The following PXDN variants were observed in gnomAD, a reference collection of about 807,000 sequenced individuals.
The protein encoded by PXDN is peroxidasin homolog.
PXDN carries 77 observed loss-of-function variants against 140.3 expected under a neutral mutation model. The observed-to-expected ratio is 0.55, with a 90% CI of 0.46 to 0.66. The LOEUF is 0.66. Ranked by LOEUF, PXDN falls within the 30% of genes least tolerant of loss-of-function variation. PXDN has a pLI of 0.00. For missense variants in PXDN, 1,838 were observed against 2,039.5 expected (o/e 0.90, Z 1.90); for synonymous variants, 911 against 857.4 (o/e 1.06, Z -1.09).
intron 4 of PXDN, among the ~76,000 whole-genome samples, chr2:1,686,422 TCC>T (rs1478248707): frequency 7.4e-6 from 1 of 134,960 alleles, no homozygotes; most frequent in African/African-American, 2.7e-5. Context: ...GCCTCGTTTC[TCC>T]CCTGACTTGC....
Position 1,687,813 on chromosome 2 carries a change from T to TA in PXDN, c.345-111dup. 1.3e-6 allele frequency: 1 copy of TA among 786,960 alleles called. No individual in the cohort carries two copies. The highest frequency in any genetic ancestry group is 2.0e-6 in the Non-Finnish European group (1 of 498,548). The allele number at this position is 786,960 out of a possible 1,614,324, so 48.7% of individuals were successfully genotyped here. The stretch of plus-strand genomic sequence containing the variant: ...GAGACAGTTTTACAATTAATGACTG[T>TA]ATTAGAATGCAAACAAACCATCTGC... On this transcript the variant is annotated intron_variant, in intron 3 of 22. Transcript: ENST00000252804. This position sits in a 1 kb window ranked among gnomAD's most constrained non-coding sequence, Gnocchi z 4.0.
intron 11 of PXDN, chr2:1,664,675 A>G (rs1001090372): frequency 3.8e-5 from 15 of 398,984 alleles, no homozygotes; most frequent in Non-Finnish European, 6.4e-5. Context: ...GAAACAAGGC[A>G]GGTGTGAGGG....
chr2:1,665,031 A>G lies in PXDN; in HGVS notation c.1335T>C (p.Ile445=), dbSNP rs1437458268. Reference sequence around the variant, plus strand: ...ACTGGAAATCCACGGTCTGGCCCTCAATAACGACTCTGTCCTGAGGCGTCA... The same window carrying G: ...ACTGGAAATCCACGGTCTGGCCCTCGATAACGACTCTGTCCTGAGGCGTCA... ...FTVTPQDRVV[I]EGQTVDFQCE... is the part of the protein sequence containing the mutation. The change falls in exon 11 of 23, where the codon ATT becomes ATC. Residue 445 remains isoleucine (I), a synonymous_variant. Coordinates refer to ENST00000252804, the MANE Select transcript of PXDN (RefSeq NM_012293.3). The G allele has an allele frequency of 6.2e-7, 1 of 1,612,320 alleles. No homozygotes were observed. The highest frequency in any genetic ancestry group is 8.5e-7 in the Non-Finnish European group (1 of 1,179,278).
intron 1 of PXDN, among the ~76,000 whole-genome samples, chr2:1,728,789 A>G (rs569701840): frequency 6.6e-6 from 1 of 152,354 alleles, no homozygotes; most frequent in Admixed American, 6.5e-5. Context: ...TCAGTGAATC[A>G]ACAATGTACA....
rs763504104 is a variant in PXDN, at chr2:1,648,933, G to C, written c.2847C>G (p.Leu949=). Residue 949 remains leucine (L), a synonymous_variant, in exon 17 of 23, where the codon CTC becomes CTG. Coordinates refer to ENST00000252804, the MANE Select transcript of PXDN (RefSeq NM_012293.3). This position sits in a 1 kb window ranked among gnomAD's most constrained non-coding sequence, Gnocchi z 8.9. ...CCGTGGGCGGCCCGGTGGCGAAGGG[G>C]AGCAGCGGCTTCCCGGACCGCTGCA... The part of the protein sequence containing the change: ...GIVQRSGKPL[L]PFATGPPTEC... 1.3e-5 allele frequency: 21 copies of C among 1,603,380 alleles called. No homozygotes were observed. In the African/African-American group the frequency reaches 2.7e-4, roughly 20 times the overall value.
rs754992048 is a variant in PXDN, at chr2:1,653,677, G to A, written c.2055C>T (p.Leu685=). 7 of 1,612,210 alleles carry A rather than the reference G, an allele frequency of 4.3e-6. No homozygotes were observed. The highest frequency in any genetic ancestry group is 1.7e-5 in the Admixed American group (1 of 59,852). The change falls in exon 16 of 23, where the codon CTC becomes CTT. Residue 685 remains leucine, a synonymous_variant. Transcript: ENST00000252804. ...AGCCATGCTGTACATGCTCCTGAAT[G>A]AGCTGCAATGTCCGTTCAAAGATTT... ...AGEIFERTLQ[L]IQEHVQHGLM...
chr2:1,648,145 C>G lies in PXDN; in HGVS notation c.3608+27G>C. On this transcript the variant is annotated intron_variant, in intron 17 of 22. Coordinates refer to ENST00000252804, the MANE Select transcript of PXDN (RefSeq NM_012293.3). The surrounding 1 kb of genome is among the most constrained non-coding windows in gnomAD (Gnocchi z 8.9). ...TGTTCCAGGTGCCTAGGTACACGAGCCATCCCACACAGCCTCTTCAGCTCA... is the reference window on the plus strand; with the variant it reads ...TGTTCCAGGTGCCTAGGTACACGAGGCATCCCACACAGCCTCTTCAGCTCA... 1 of 1,598,082 alleles carries G rather than the reference C, an allele frequency of 6.3e-7. No homozygotes were observed. Among genetic ancestry groups the G allele is most frequent in the Admixed American group, 1.7e-5 (1 of 59,352 alleles).
chr2:1,732,368 C>T (rs1685331653), intron 1 of PXDN, among the ~76,000 whole-genome samples: 2 of 152,142 alleles, frequency 1.3e-5, no homozygotes, highest in African/African-American at 4.8e-5. Flanking sequence ...ACAAACTGCC[C>T]ACAGCCAGAA....
At position 1,652,479 on chromosome 2, in the gene PXDN, G is replaced by A. The variant is rs576270444; in HGVS notation, c.2104+1149C>T. Reference sequence around the variant, plus strand: ...TAAATACTTGTTGAAATAACAAAATGGGCTCTGATGCTTCTCCCCAAGAAT... The same window carrying A: ...TAAATACTTGTTGAAATAACAAAATAGGCTCTGATGCTTCTCCCCAAGAAT... On this transcript the variant is annotated intron_variant, in intron 16 of 22. Transcript: ENST00000252804. Among the ~76,000 whole-genome samples, 4 of 100,894 alleles carry A rather than the reference G, an allele frequency of 4.0e-5. No individual in the cohort carries two copies. In the East Asian group the frequency reaches 1.3e-3, roughly 33 times the overall value. 66.2% of individuals were successfully genotyped at this position (100,894 alleles called of 152,430 possible). A position where few individuals can be genotyped will look rare whatever the true frequency, so the allele number is the denominator to read the frequency against.
At position 1,685,130 on chromosome 2, in the gene PXDN, C is replaced by T. The variant is rs886146256; in HGVS notation, c.417-979G>A. Among the ~76,000 whole-genome samples the T allele has an allele frequency of 2.0e-5, 3 of 152,230 alleles. No homozygotes were observed. The highest frequency in any genetic ancestry group is 7.2e-5 in the African/African-American group (3 of 41,462). Reference sequence around the variant, plus strand: ...GGGCACCAGAGTGCGGCTGCCAGGGCCCGCCCCGTCCCGGGGCCAGCTCCC... The same window carrying T: ...GGGCACCAGAGTGCGGCTGCCAGGGTCCGCCCCGTCCCGGGGCCAGCTCCC... On this transcript the variant is annotated intron_variant, in intron 4 of 22. Transcript: ENST00000252804. This position sits in a 1 kb window ranked among gnomAD's most constrained non-coding sequence, Gnocchi z 5.1.
chr2:1,709,684 G>A (rs576357165), intron 1 of PXDN, among the ~76,000 whole-genome samples: 22 of 152,324 alleles, frequency 1.4e-4, no homozygotes, highest in African/African-American at 2.4e-4. Context: ...ACCCCCACGC[G>A]GTGGTGTTAT....
chr2:1,733,748 C>CCAA (rs1685364166), intron 1 of PXDN, among the ~76,000 whole-genome samples: 1 of 79,246 alleles, frequency 1.3e-5, no homozygotes, highest in African/African-American at 5.2e-5. Flanking sequence ...TGTCAAATGA[C>CCAA]AAAAAAAAAA....
At position 1,677,103 on chromosome 2, in the gene PXDN, G is replaced by A. The variant is rs150482085; in HGVS notation, c.731-59C>T. ...TCTAAACCATGACATGAAAATAAAT[G>A]ACAACACACGCTGAGTTCTCTGTGT... On this transcript the variant is annotated intron_variant, in intron 7 of 22. Coordinates refer to ENST00000252804, the MANE Select transcript of PXDN (RefSeq NM_012293.3). 67 of 1,411,234 alleles carry A rather than the reference G, an allele frequency of 4.7e-5. No homozygotes were observed. In the Middle Eastern group the frequency reaches 5.4e-4, roughly 11 times the overall value. 87.4% of individuals were successfully genotyped at this position (1,411,234 alleles called of 1,614,324 possible). A position where few individuals can be genotyped will look rare whatever the true frequency, so the allele number is the denominator to read the frequency against.
At chr2:1,679,750 G>A (rs1030598484) in intron 7 of PXDN, among the ~76,000 whole-genome samples, 2 of 151,018 alleles carry the variant, frequency 1.3e-5, no homozygotes, top group Non-Finnish European at 1.5e-5. Context: ...GTGCGTGTAT[G>A]TGCGTGTGTG....
intron 13 of PXDN, among the ~76,000 whole-genome samples, 162 bp from the exon 14 acceptor site, chr2:1,661,199 G>C (rs1683296663): frequency 6.6e-6 from 1 of 152,182 alleles, no homozygotes; most frequent in Admixed American, 6.5e-5. Flanking sequence ...AAGGAGATGT[G>C]GTCAGTTCTC....
upstream of PXDN, chr2:1,744,604 C>G (rs1685649879): frequency 1.5e-6 from 1 of 664,838 alleles, no homozygotes; most frequent in South Asian, 7.5e-5. Context: ...CCCGGCCCCT[C>G]TGAATCCCCG....
chr2:1,727,167 C>G (rs1351872778), intron 1 of PXDN, among the ~76,000 whole-genome samples: 1 of 152,208 alleles, frequency 6.6e-6, no homozygotes, highest in Non-Finnish European at 1.5e-5. Context: ...ACCGCTGACG[C>G]TGACCAAGCC....
intron 1 of PXDN, among the ~76,000 whole-genome samples, chr2:1,730,573 G>A (rs967816746): frequency 6.6e-5 from 10 of 152,184 alleles, no homozygotes; most frequent in Non-Finnish European, 2.9e-5. Flanking sequence ...TATGGCGGAC[G>A]GCCCAGCCAC....
intron 12 of PXDN, among the ~76,000 whole-genome samples, 200 bp downstream of exon 12, chr2:1,663,405 C>T (rs1288297142): frequency 6.6e-6 from 1 of 152,202 alleles, no homozygotes; most frequent in African/African-American, 2.4e-5. Context: ...CAAATGTTTT[C>T]ACCCGCTAAA....
Sources: gnomAD v4.1 joint callset for allele counts (sites outside exome capture counted in the v4.1 genomes callset) on GRCh38, gnomAD v4.1.1 for gene constraint, Gnocchi (gnomAD v3.1) non-coding constraint, MANE v1.5 for transcripts, NCBI Gene and HGNC (gene_info 2026-07-23, HGNC 2026-07-21) for gene names.